The following MORF4L1 variants were observed in gnomAD, a reference collection of about 807,000 sequenced individuals.
MORF4L1 encodes the protein mortality factor 4 like 1, also known as mortality factor 4-like protein 1.
MORF4L1 carries 4 observed loss-of-function variants against 52.9 expected under a neutral mutation model. That is an observed-to-expected ratio of 0.08 (90% CI 0.04 to 0.17). The LOEUF is 0.17. MORF4L1 is among the 10% of genes least tolerant of loss of function. MORF4L1 has a pLI of 1.00. For missense variants in MORF4L1, 214 were observed against 390.4 expected (o/e 0.55, Z 3.81); for synonymous variants, 123 against 134.8 (o/e 0.91, Z 0.61).
intron 11 of MORF4L1, among the ~76,000 whole-genome samples, chr15:78,896,532 C>G (rs1023137576): frequency 1.3e-5 from 2 of 151,916 alleles, no homozygotes; most frequent in African/African-American, 4.8e-5. Context: ...TGGTCTTGAA[C>G]CCCAACCTCA....
chr15:78,887,616 T>G (rs1056400706), intron 5 of MORF4L1, among the ~76,000 whole-genome samples: 6 of 152,216 alleles, frequency 3.9e-5, no homozygotes, highest in Non-Finnish European at 5.9e-5. Context: ...TGGTTATAAG[T>G]TTTGAGATAA....
chr15:78,883,695 T>A (rs540177388), intron 3 of MORF4L1, among the ~76,000 whole-genome samples: 2 of 152,372 alleles, frequency 1.3e-5, no homozygotes, highest in African/African-American at 4.8e-5. Context: ...AATATTAATA[T>A]ATCAGAAATG....
chr15:78,876,441 G>A (rs2056492775), intron 1 of MORF4L1: 1 of 407,476 alleles, frequency 2.5e-6, no homozygotes, highest in Non-Finnish European at 4.9e-6. Context: ...TTGAGACGGA[G>A]CATTTGCTGT....
intron 2 of MORF4L1, among the ~76,000 whole-genome samples, chr15:78,879,943 T>C (rs1205931712): frequency 6.6e-6 from 1 of 152,232 alleles, no homozygotes; most frequent in East Asian, 1.9e-4. Flanking sequence ...TAAACTGTTG[T>C]GGTTATTTTG....
chr15:78,887,199 A>G, intron 4 of MORF4L1, 70 bp from the exon 5 acceptor site: 1 of 1,326,648 alleles, frequency 7.5e-7, no homozygotes, highest in Non-Finnish European at 1.1e-6. Context: ...TCCTAATGGA[A>G]TCAGGCTGAC....
At position 78,881,050 on chromosome 15, in the gene MORF4L1, TTA is replaced by T. The variant is rs572129757; in HGVS notation, c.155+472_155+473del. On this transcript the variant is annotated intron_variant, in intron 3 of 11. Coordinates refer to ENST00000426013, the MANE Select transcript of MORF4L1 (RefSeq NM_006791.4). ...CTTGATTGGGAAATAAAGACAGAATTTACCAGTCCATATTCTGAACTTTGGAA... is the reference window on the plus strand; with the variant it reads ...CTTGATTGGGAAATAAAGACAGAATTCCAGTCCATATTCTGAACTTTGGAA... Among the ~76,000 whole-genome samples, 335 of 152,162 alleles carry T rather than the reference TTA, an allele frequency of 2.2e-3. 1 individual carries two copies. The highest frequency in any genetic ancestry group is 7.5e-3 in the African/African-American group (313 of 41,516).
intron 10 of MORF4L1, 97 bp from the exon 11 acceptor site, chr15:78,894,723 T>C: frequency 1.0e-6 from 1 of 963,160 alleles, no homozygotes; most frequent in Non-Finnish European, 1.7e-6. Flanking sequence ...TCATGTATTT[T>C]AAAGGAATTG....
chr15:78,874,597 T>C (rs1297635609), intron 1 of MORF4L1, among the ~76,000 whole-genome samples: 2 of 145,590 alleles, frequency 1.4e-5, no homozygotes, highest in Admixed American at 6.8e-5. Context: ...TTTTTTTTTT[T>C]TTTTTGTATT....
At chr15:78,896,951 A>C in intron 11 of MORF4L1, 32 bp from the exon 12 acceptor site, 5 of 1,574,040 alleles carry the variant, frequency 3.2e-6, no homozygotes, top group Non-Finnish European at 4.4e-6. Flanking sequence ...AATGACCTTT[A>C]AAAATTTTTG....
At chr15:78,883,156 A>G (rs1482812789) in intron 3 of MORF4L1, among the ~76,000 whole-genome samples, 1 of 150,872 alleles carries the variant, frequency 6.6e-6, no homozygotes, top group Admixed American at 6.6e-5. Context: ...CGAAGGTTGC[A>G]GTGAGCTGAG....
chr15:78,884,932 A>G (rs1415953056), intron 3 of MORF4L1: 2 of 1,493,196 alleles, frequency 1.3e-6, no homozygotes, highest in South Asian at 2.4e-5. Context: ...GCACCTGGTC[A>G]CTGAGATTAC....
chr15:78,873,873 A>T (rs192319685), intron 1 of MORF4L1: 1 of 152,378 alleles, frequency 6.6e-6, no homozygotes, highest in South Asian at 2.1e-4. Flanking sequence ...TTGCTCGTAA[A>T]AAGTAAATAA....
In MORF4L1 at chr15:78,895,972, TA is replaced by T. The variant is rs947438658; in HGVS notation, c.888-1000del. Among the ~76,000 whole-genome samples, 915 of 147,880 alleles carry T rather than the reference TA, an allele frequency of 6.2e-3. 7 individuals carry two copies. The highest frequency in any genetic ancestry group is 8.6e-3 in the Non-Finnish European group (571 of 66,624). On this transcript the variant is annotated intron_variant, in intron 11 of 11. Coordinates refer to ENST00000426013, the MANE Select transcript of MORF4L1 (RefSeq NM_006791.4). Reference sequence around the variant, plus strand: ...CATTTCACGTTCCCTTTTATGTAATTAAAAAAAAAAAGTTTATTCATTTAGA... The same window carrying T: ...CATTTCACGTTCCCTTTTATGTAATTAAAAAAAAAAGTTTATTCATTTAGA...
At position 78,878,203 on chromosome 15, in the gene MORF4L1, C is replaced by A; in HGVS notation, c.41-10C>A. On this transcript the variant is annotated splice_polypyrimidine_tract_variant and intron_variant, in intron 1 of 11. Coordinates refer to ENST00000426013, the MANE Select transcript of MORF4L1 (RefSeq NM_006791.4). ...GAAATTACAATTCAGTACTTTTTCTCCCTTTACAGGTGAGCGAGTGCTGTG... is the reference window on the plus strand; with the variant it reads ...GAAATTACAATTCAGTACTTTTTCTACCTTTACAGGTGAGCGAGTGCTGTG... 1.2e-6 allele frequency: 2 copies of A among 1,607,232 alleles called. No homozygotes were observed. The highest frequency in any genetic ancestry group is 2.2e-5 in the South Asian group (2 of 89,382).
At chr15:78,877,984 A>C (rs2056528017) in intron 1 of MORF4L1, 1 of 427,600 alleles carries the variant, frequency 2.3e-6, no homozygotes, top group Non-Finnish European at 4.1e-6. Flanking sequence ...TGATTATTTA[A>C]GTAGATTGAC....
intron 5 of MORF4L1, 55 bp downstream of exon 5, chr15:78,887,404 G>C: frequency 3.4e-6 from 5 of 1,453,992 alleles, no homozygotes; most frequent in Non-Finnish European, 4.7e-6. Flanking sequence ...AATATTTTAT[G>C]TTCATTGTGT....
intron 10 of MORF4L1, chr15:78,894,535 G>T: frequency 2.6e-6 from 1 of 386,132 alleles, no homozygotes; most frequent in Non-Finnish European, 4.7e-6. Context: ...AGCCTCCCAA[G>T]TAGCTGGGAT....
intron 1 of MORF4L1, among the ~76,000 whole-genome samples, chr15:78,874,583 C>CTTTTTTTTTTTTTTTTTTT (rs56665378): frequency 5.3e-5 from 6 of 112,190 alleles, no homozygotes; most frequent in African/African-American, 2.1e-4. Flanking sequence ...CTTTTTCTTT[C>CTTTTTTTTTTTTTTTTTTT]TTTTTTTTTT....
At chr15:78,895,614 A>G (rs1159513045) in intron 11 of MORF4L1, among the ~76,000 whole-genome samples, 1 of 152,244 alleles carries the variant, frequency 6.6e-6, no homozygotes, top group Non-Finnish European at 1.5e-5. Context: ...TTTCAATTGA[A>G]AAACAGCCAA....
Sources: gnomAD v4.1 joint callset for allele counts (sites outside exome capture counted in the v4.1 genomes callset) on GRCh38, gnomAD v4.1.1 for gene constraint, MANE v1.5 for transcripts, NCBI Gene and HGNC (gene_info 2026-07-23, HGNC 2026-07-21) for gene names.